Variants in SPARC observed in about 807,000 individuals in gnomAD.
The protein encoded by SPARC is secreted protein acidic and cysteine rich.
A neutral mutation model predicts 37.7 loss-of-function variants in SPARC; 23 were observed. That is an observed-to-expected ratio of 0.61 (90% confidence interval 0.44 to 0.87). The LOEUF (loss-of-function observed/expected upper bound fraction) is 0.87. SPARC is among the 40% of genes least tolerant of loss of function. SPARC has a pLI of 0.00. For synonymous variants in SPARC, 155 were observed against 150.8 expected, an observed-to-expected ratio of 1.03 and a Z score of -0.20; for missense variants, 312 against 389.0, an observed-to-expected ratio of 0.80 and a Z score of 1.66.
At chr5:151,669,868 G>C in intron 5 of SPARC, 84 bp from the exon 6 acceptor site, 1 of 1,536,126 alleles carries the variant, frequency 6.5e-7, no homozygotes, top group Admixed American at 1.7e-5. Flanking sequence ...TCAGAGATGG[G>C]GACACTGAGG....
At chr5:151,665,054 TCA>T (rs1425242054) in intron 8 of SPARC, among the ~76,000 whole-genome samples, 2 of 152,152 alleles carry the variant, frequency 1.3e-5, no homozygotes, top group Admixed American at 6.5e-5. Flanking sequence ...ACCAAAGAAA[TCA>T]CACAATGTTT....
intron 9 of SPARC, 82 bp from the exon 10 acceptor site, chr5:151,663,681 CCCATCCCCAGGGGCAGGGGTCTAGGTGG>C (rs2113080130): frequency 4.3e-6 from 6 of 1,397,886 alleles, no homozygotes; most frequent in Non-Finnish European, 6.1e-6. Flanking sequence ...TGGACTCCCA[CCCATCCCCAGGGGCAGGGGTCTAGGTGG>C]CCATGCAAGG....
At position 151,673,122 on chromosome 5, in the gene SPARC, G is replaced by T; in HGVS notation, c.208+7C>A. On this transcript the variant is annotated splice_region_variant and intron_variant, in intron 4 of 9. Coordinates refer to ENST00000231061, the MANE Select transcript of SPARC (RefSeq NM_003118.4). ...TGGATGTGCCAAGTTACAGGGAAGG[G>T]ACATACTTTCCGCCACCACCTCCTC... 2 of 1,608,040 alleles carry T rather than the reference G, an allele frequency of 1.2e-6. No individual in the cohort carries two copies. The highest frequency in any genetic ancestry group is 1.7e-6 in the Non-Finnish European group (2 of 1,174,418).
At chr5:151,666,335 G>C (rs375318863) in intron 8 of SPARC, 26 bp downstream of exon 8, 68 of 1,605,992 alleles carry the variant, frequency 4.2e-5, no homozygotes, top group Non-Finnish European at 5.5e-5. Flanking sequence ...CTTGAGCTCT[G>C]TTCACTCTAG....
intron 8 of SPARC, 51 bp downstream of exon 8, chr5:151,666,310 A>G (rs1208684361): frequency 6.4e-7 from 1 of 1,573,850 alleles, no homozygotes; most frequent in African/African-American, 1.3e-5. Context: ...GGCCATAGCT[A>G]GTGCACCTGC....
chr5:151,674,012 G>A (rs1223480013), intron 3 of SPARC, among the ~76,000 whole-genome samples: 3 of 120,458 alleles, frequency 2.5e-5, no homozygotes, highest in Non-Finnish European at 5.2e-5. Context: ...GTGTGTGCTT[G>A]TTTGTTTGTT....
At chr5:151,678,879 T>C (rs56165009) in intron 1 of SPARC, among the ~76,000 whole-genome samples, 2,288 of 151,986 alleles carry the variant, frequency 0.015, 58 homozygotes, top group Admixed American at 0.062. Flanking sequence ...GATGATGAGA[T>C]GGGAGGGAAG....
intron 1 of SPARC, chr5:151,685,868 C>T (rs1002472453): frequency 1.3e-5 from 2 of 152,234 alleles, no homozygotes; most frequent in African/African-American, 4.8e-5. Flanking sequence ...CCAGTGCCCC[C>T]CTTCCCTTGG....
chr5:151,664,351 A>G, intron 8 of SPARC, 116 bp from the exon 9 acceptor site: 2 of 974,832 alleles, frequency 2.1e-6, no homozygotes, highest in South Asian at 1.5e-5. Flanking sequence ...TATTTAAAGC[A>G]GGACAAAAAG....
At position 151,664,144 on chromosome 5, in the gene SPARC, C is replaced by G. The variant is rs755900429; in HGVS notation, c.826G>C (p.Asp276His). The change falls in exon 9 of 10, where the codon GAC (aspartate) becomes CAC (histidine). Residue 276 changes from aspartate to histidine, a missense_variant. Physicochemically the swap from Asp to His is moderately conservative, Grantham distance 81 (BLOSUM62 -1). Transcript: ENST00000231061. ...TTRFFETCDL[D>H]NDKYIALDEW... The stretch of plus-strand genomic sequence containing the variant: ...TCCAGGGCGATGTACTTGTCATTGT[C>G]CAGGTCACAGGTCTCGAAAAAGCGG... The G allele has an allele frequency of 1.2e-6, 2 of 1,614,204 alleles. No homozygotes were observed. The highest frequency in any genetic ancestry group is 1.7e-6 in the Non-Finnish European group (2 of 1,180,050).
At position 151,663,251 on chromosome 5, in the gene SPARC, C is replaced by T. The variant is rs1325633559; in HGVS notation, c.*320G>A. On this transcript the variant is annotated 3_prime_UTR_variant, in exon 10 of 10. Coordinates refer to ENST00000231061, the MANE Select transcript of SPARC (RefSeq NM_003118.4). ...AGAACACTAAAGAGAAAAGTTGAAG[C>T]TGCAATGTGTGTTTAAGGCAGAGCC... 1.6e-5 allele frequency: 5 copies of T among 307,932 alleles called. No homozygotes were observed. Among genetic ancestry groups the T allele is most frequent in the Non-Finnish European group, 2.4e-5 (4 of 166,654 alleles). The allele number at this position is 307,932 out of a possible 1,614,324, so 19.1% of individuals were successfully genotyped here.
chr5:151,669,678 A>C lies in SPARC; in HGVS notation c.437T>G (p.Ile146Ser). The C allele has an allele frequency of 6.2e-7, 1 of 1,614,182 alleles. No homozygotes were observed. The highest frequency in any genetic ancestry group is 8.5e-7 in the Non-Finnish European group (1 of 1,180,014). ...KKGHKLHLDY[I>S]GPCKYIPPCL... is the part of the protein sequence containing the mutation. ...AGGACACTCACATTTGCAAGGCCCG[A>C]TGTAGTCCAGGTGGAGCTTGTGGCC... Residue 146 changes from isoleucine to serine, a missense_variant, in exon 6 of 10, where the codon ATC (isoleucine) becomes AGC (serine). Physicochemically the swap from Ile to Ser is moderately radical, Grantham distance 142. Coordinates refer to ENST00000231061, the MANE Select transcript of SPARC (RefSeq NM_003118.4).
intron 6 of SPARC, among the ~76,000 whole-genome samples, chr5:151,668,987 G>C (rs1172358390): frequency 6.6e-6 from 1 of 152,104 alleles, no homozygotes; most frequent in Non-Finnish European, 1.5e-5. Context: ...GGGGGAGCAG[G>C]TGTGGTCTTG....
At chr5:151,670,849 T>G (rs951696118) in intron 5 of SPARC, among the ~76,000 whole-genome samples, 1 of 151,924 alleles carries the variant, frequency 6.6e-6, no homozygotes, top group Non-Finnish European at 1.5e-5. Context: ...AACAATGATA[T>G]TAAAATGTGG....
Position 151,680,216 on chromosome 5 carries a change from C to CTTTTTTTTTTT in SPARC, c.-13-4026_-13-4016dup, listed in dbSNP as rs58021431. Among the ~76,000 whole-genome samples the CTTTTTTTTTTT allele has an allele frequency of 1.9e-3, 115 of 61,982 alleles. 25 individuals are homozygous for CTTTTTTTTTTT. Among genetic ancestry groups the CTTTTTTTTTTT allele is most frequent in the African/African-American group, 5.8e-3 (78 of 13,354 alleles). 40.7% of individuals were successfully genotyped at this position (61,982 alleles called of 152,430 possible). A position where few individuals can be genotyped will look rare whatever the true frequency, so the allele number is the denominator to read the frequency against. ...TGCAATAGAGAATAGTGGAAAACAT[C>CTTTTTTTTTTT]TTTTTTTTTTTTTTTTTTTTTTTTT... On this transcript the variant is annotated intron_variant, in intron 1 of 9. Transcript: ENST00000231061.
In SPARC at chr5:151,667,687, T is replaced by A. The variant is rs532724123; in HGVS notation, c.452-87A>T. The A allele has an allele frequency of 2.8e-6, 4 of 1,423,640 alleles. No homozygotes were observed. The African/African-American group carries it at 7.3e-5, about 26-fold the overall frequency. 88.2% of individuals were successfully genotyped at this position (1,423,640 alleles called of 1,614,324 possible). On this transcript the variant is annotated intron_variant, in intron 6 of 9. Coordinates refer to ENST00000231061, the MANE Select transcript of SPARC (RefSeq NM_003118.4). ...GGCCCCCACCCACCCACATACCACC[T>A]GCATTGGTGGCCTTGGCACAGTGGC...
intron 1 of SPARC, among the ~76,000 whole-genome samples, chr5:151,684,702 A>T (rs955223043): frequency 6.6e-6 from 1 of 151,602 alleles, no homozygotes; most frequent in South Asian, 2.1e-4. Context: ...AGGGAATGCC[A>T]CAATTCGCAA....
intron 1 of SPARC, chr5:151,676,955 G>A (rs1760871319): frequency 6.6e-6 from 1 of 152,226 alleles, no homozygotes; most frequent in African/African-American, 2.4e-5. Flanking sequence ...AGAAGAGACA[G>A]CACTTCTTTA....
intron 2 of SPARC, among the ~76,000 whole-genome samples, chr5:151,675,450 C>A (rs17661951): frequency 2.0e-5 from 3 of 152,164 alleles, no homozygotes; most frequent in African/African-American, 7.2e-5. Context: ...CTCACCTGGC[C>A]AAGAAGCTGG....
Sources: gnomAD v4.1 joint callset for allele counts (sites outside exome capture counted in the v4.1 genomes callset) on GRCh38, gnomAD v4.1.1 for gene constraint, MANE v1.5 for transcripts, NCBI Gene and HGNC (gene_info 2026-07-23, HGNC 2026-07-21) for gene names.